The following ARSF variants were observed in gnomAD, a reference collection of about 807,000 sequenced individuals.
ARSF encodes arylsulfatase F.
Under a neutral mutation model 35.4 loss-of-function variants are expected in ARSF, and 33 were observed. That is an observed-to-expected ratio of 0.93 (90% CI 0.71 to 1.25). ARSF has a LOEUF of 1.25. Ranked by LOEUF, ARSF falls within the 50% of genes most tolerant of loss-of-function variation. The pLI is 0.00. For synonymous variants in ARSF, 222 were observed against 193.1 expected (o/e 1.15, Z -1.24); for missense variants, 501 against 480.2 (o/e 1.04, Z -0.40).
intron 7 of ARSF, among the ~76,000 whole-genome samples, chrX:3,094,161 C>T (rs1466400719): frequency 8.9e-6 from 1 of 111,780 alleles, no homozygotes; most frequent in Non-Finnish European, 1.9e-5. Context: ...AGACGAGTAT[C>T]ATCTTCATCA....
intron 1 of ARSF, among the ~76,000 whole-genome samples, chrX:3,046,205 C>T (rs12849258): frequency 0.076 from 8,410 of 111,292 alleles, 301 homozygotes; most frequent in Non-Finnish European, 0.11. Context: ...TTACTGTACA[C>T]GTGGTGACAA....
At chrX:3,099,897 T>C (rs926359083) in intron 7 of ARSF, among the ~76,000 whole-genome samples, 9 of 111,891 alleles carry the variant, frequency 8.0e-5, no homozygotes, top group Non-Finnish European at 1.7e-4. Flanking sequence ...TTGTGTGCCT[T>C]GGCTCTAGAA....
chrX:3,089,696 C>T lies in ARSF; in HGVS notation c.967+64C>T. On this transcript the variant is annotated intron_variant, in intron 7 of 10. Coordinates refer to ENST00000381127, the MANE Select transcript of ARSF (RefSeq NM_001201539.2). ...TCTGATAGGACAGGACACCTGAAAACTGCTCTTGGTCAACCTGTAGAGTGA... is the reference window on the plus strand; with the variant it reads ...TCTGATAGGACAGGACACCTGAAAATTGCTCTTGGTCAACCTGTAGAGTGA... 11 of 1,151,478 alleles carry T rather than the reference C, an allele frequency of 9.6e-6. No homozygotes were observed. In the South Asian group the frequency reaches 1.8e-4, roughly 19 times the overall value. The allele number at this position is 1,151,478 out of a possible 1,213,427, so 94.9% of individuals were successfully genotyped here.
In ARSF at chrX:3,103,757, T is replaced by C. The variant is rs1869561; in HGVS notation, c.1103-5T>C. 183,868 of 1,208,080 alleles carry C rather than the reference T, an allele frequency of 0.15. 9,876 individuals are homozygous for C. The highest frequency in any genetic ancestry group is 0.2 in the Middle Eastern group (850 of 4,339). On this transcript the variant is annotated splice_region_variant and splice_polypyrimidine_tract_variant and intron_variant, in intron 8 of 10. Transcript: ENST00000381127. Reference sequence around the variant, plus strand: ...ATAATTGAACTTAATTGCATTGTCTTATAGGTGGAAAAGGCATGGGGGGCT... The same window carrying C: ...ATAATTGAACTTAATTGCATTGTCTCATAGGTGGAAAAGGCATGGGGGGCT...
chrX:3,043,573 C>T (rs2089963564), intron 1 of ARSF, among the ~76,000 whole-genome samples: 1 of 111,364 alleles, frequency 9.0e-6, no homozygotes, highest in Non-Finnish European at 1.9e-5. Flanking sequence ...ACTTCTGCTG[C>T]ATCCTGCTTG....
intron 6 of ARSF, 49 bp from the exon 7 acceptor site, chrX:3,089,447 A>C: frequency 1.7e-6 from 2 of 1,182,788 alleles, no homozygotes; most frequent in Non-Finnish European, 2.3e-6. Flanking sequence ...TAGTTTTCAC[A>C]TTCATAGATA....
intron 7 of ARSF, among the ~76,000 whole-genome samples, chrX:3,089,982 C>T (rs1047354275): frequency 2.7e-5 from 3 of 111,088 alleles, no homozygotes; most frequent in Non-Finnish European, 5.7e-5. Flanking sequence ...GGGTGTATTA[C>T]GTGATGCTGA....
intron 1 of ARSF, among the ~76,000 whole-genome samples, chrX:3,056,840 T>C (rs776783239): frequency 9.0e-6 from 1 of 111,479 alleles, no homozygotes; most frequent in African/African-American, 3.3e-5. Context: ...GTAGAATTCC[T>C]TTCACTTTCT....
intron 7 of ARSF, among the ~76,000 whole-genome samples, chrX:3,093,450 T>A (rs1387856121): frequency 1.8e-5 from 2 of 111,291 alleles, no homozygotes; most frequent in African/African-American, 6.5e-5. Flanking sequence ...TGTCTATTGT[T>A]CCCATCTTTA....
intron 6 of ARSF, among the ~76,000 whole-genome samples, chrX:3,085,099 GTGGTACCTT>G (rs1252474502): frequency 2.3e-4 from 25 of 110,043 alleles, no homozygotes; most frequent in Non-Finnish European, 4.7e-4. Context: ...ACCTAAAGCG[GTGGTACCTT>G]GTTTGGGCTC....
chrX:3,071,349 G>A (rs777667368), intron 2 of ARSF, among the ~76,000 whole-genome samples: 1 of 110,732 alleles, frequency 9.0e-6, no homozygotes, highest in East Asian at 2.9e-4. Context: ...CGTCACCCAG[G>A]CTGGAGTGCA....
intron 7 of ARSF, among the ~76,000 whole-genome samples, chrX:3,089,954 T>C (rs1224015461): frequency 8.9e-6 from 1 of 111,869 alleles, no homozygotes; most frequent in Non-Finnish European, 1.9e-5. Flanking sequence ...AGGGAGTACA[T>C]GTGCAGGTTT....
rs1447180337 is a variant in ARSF at position 3,084,352 on chromosome X, C to G, written c.516C>G (p.Ser172Arg). 3 of 1,209,960 alleles carry G rather than the reference C, an allele frequency of 2.5e-6. No homozygotes were observed. The Admixed American group carries it at 6.6e-5, about 27-fold the overall frequency. Residue 172 changes from serine (S) to arginine (R), a missense_variant, in exon 6 of 11, where the codon AGC (serine) becomes AGG (arginine). Physicochemically the swap from Ser to Arg is moderately radical, Grantham distance 110. Coordinates refer to ENST00000381127, the MANE Select transcript of ARSF (RefSeq NM_001201539.2). Reference protein sequence around the residue: ...YYGMPFTLVDSCWPDPSRNTE... With the variant: ...YYGMPFTLVDRCWPDPSRNTE... ...GCATGCCGTTCACTCTCGTTGACAG[C>G]TGCTGGCCGGACCCCTCTCGTAACA...
intron 6 of ARSF, among the ~76,000 whole-genome samples, chrX:3,088,615 G>T (rs1406507280): frequency 9.2e-6 from 1 of 108,626 alleles, no homozygotes; most frequent in East Asian, 2.9e-4. Flanking sequence ...AGGCTGGAGC[G>T]CAGTGGTGCA....
intron 7 of ARSF, among the ~76,000 whole-genome samples, chrX:3,096,764 G>T (rs186003446): frequency 1.4e-3 from 161 of 111,582 alleles, no homozygotes; most frequent in Admixed American, 3.2e-3. Flanking sequence ...TTAAATCAAG[G>T]TGGCAGGGGT....
At chrX:3,041,138 G>T (rs1367993516), upstream of ARSF, among the ~76,000 whole-genome samples, 1 of 110,657 alleles carries the variant, frequency 9.0e-6, no homozygotes, top group East Asian at 2.8e-4. Flanking sequence ...GTCTGTGCTT[G>T]TTCACACTTT....
Position 3,084,334 on chromosome X carries a change from G to A in ARSF, c.498G>A (p.Pro166=), listed in dbSNP as rs766873808. 10 of 1,209,758 alleles carry A rather than the reference G, an allele frequency of 8.3e-6. No homozygotes were observed. Among genetic ancestry groups the A allele is most frequent in the Middle Eastern group, 2.3e-4 (1 of 4,351 alleles). The change falls in exon 6 of 11, where the codon CCG becomes CCA. Residue 166 remains proline, a synonymous_variant. Coordinates refer to ENST00000381127, the MANE Select transcript of ARSF (RefSeq NM_001201539.2). ...GGTTTGACTACTACTATGGCATGCC[G>A]TTCACTCTCGTTGACAGCTGCTGGC... The part of the protein sequence containing the change: ...NYGFDYYYGM[P]FTLVDSCWPD...
At chrX:3,112,015 C>T (rs1249137210) in intron 10 of ARSF, among the ~76,000 whole-genome samples, 159 bp from the exon 11 acceptor site, 1 of 111,379 alleles carries the variant, frequency 9.0e-6, no homozygotes, top group East Asian at 2.8e-4. Flanking sequence ...TCTCCCCCAA[C>T]CACTCACCTC....
At chrX:3,045,740 A>C (rs2089972128) in intron 1 of ARSF, among the ~76,000 whole-genome samples, 1 of 109,005 alleles carries the variant, frequency 9.2e-6, no homozygotes, top group African/African-American at 3.3e-5. Context: ...CTTTTAGTAC[A>C]GATGGGGTTT....
Sources: gnomAD v4.1 joint callset for allele counts (sites outside exome capture counted in the v4.1 genomes callset) on GRCh38, gnomAD v4.1.1 for gene constraint, MANE v1.5 for transcripts, NCBI Gene and HGNC (gene_info 2026-07-23, HGNC 2026-07-21) for gene names.